The following CDH18 variants were observed in gnomAD, a reference collection of about 807,000 sequenced individuals.
CDH18 encodes cadherin-18.
CDH18 carries 31 observed loss-of-function variants against 67.9 expected under a neutral mutation model. The ratio of observed to expected loss-of-function variants is 0.46; its 90% CI spans 0.34 to 0.62. The LOEUF is 0.62. Ranked by LOEUF, CDH18 falls within the 20% of genes least tolerant of loss-of-function variation. CDH18 has a pLI of 0.01. For missense variants in CDH18, 890 were observed against 975.5 expected (o/e 0.91, Z 1.17); for synonymous variants, 362 against 347.2 (o/e 1.04, Z -0.48).
At position 19,621,525 on chromosome 5, in the gene CDH18, T is replaced by G. The variant is rs147962006; in HGVS notation, c.644-8924A>C. ...GAGATACCTGCACTCCTATGTTCACTGCTGCATGAACCTCAAAGACATTAT... is the reference window on the plus strand; with the variant it reads ...GAGATACCTGCACTCCTATGTTCACGGCTGCATGAACCTCAAAGACATTAT... On this transcript the variant is annotated intron_variant, in intron 5 of 12. Transcript: ENST00000382275. Among the ~76,000 whole-genome samples the G allele has an allele frequency of 1.4e-3, 212 of 152,316 alleles. 1 individual carries two copies. The highest frequency in any genetic ancestry group is 5.0e-3 in the African/African-American group (206 of 41,576).
intron 3 of CDH18, among the ~76,000 whole-genome samples, chr5:19,760,507 A>T (rs1010058740): frequency 3.3e-5 from 5 of 152,112 alleles, no homozygotes; most frequent in African/African-American, 1.2e-4. Flanking sequence ...AGCATTAGAG[A>T]CTTTTACAAT....
intron 2 of CDH18, among the ~76,000 whole-genome samples, chr5:19,854,885 T>C (rs1784094887): frequency 6.8e-6 from 1 of 147,148 alleles, no homozygotes; most frequent in African/African-American, 2.5e-5. Context: ...CTCCCCCCAC[T>C]ATCCTTTCCA....
chr5:20,195,905 A>G (rs933039302), intron 2 of CDH18, among the ~76,000 whole-genome samples: 1 of 148,804 alleles, frequency 6.7e-6, no homozygotes. Context: ...TTAAAAATGT[A>G]TGGGACTCAA....
chr5:19,993,639 TATAGAG>T (rs1800104448), intron 2 of CDH18, among the ~76,000 whole-genome samples: 1 of 152,020 alleles, frequency 6.6e-6, no homozygotes, highest in African/African-American at 2.4e-5. Context: ...TACACATATA[TATAGAG>T]ATAAATAGAT....
At chr5:20,506,353 C>T (rs1581124473) in intron 1 of CDH18, among the ~76,000 whole-genome samples, 1 of 152,322 alleles carries the variant, frequency 6.6e-6, no homozygotes, top group East Asian at 1.9e-4. Context: ...GTCATAGTGC[C>T]TATCTTGCCA....
At chr5:20,099,100 G>A (rs1037664574) in intron 2 of CDH18, among the ~76,000 whole-genome samples, 4 of 152,306 alleles carry the variant, frequency 2.6e-5, no homozygotes, top group Non-Finnish European at 5.9e-5. Context: ...TTGCAAAGAT[G>A]TTGATATTTT....
intron 1 of CDH18, among the ~76,000 whole-genome samples, chr5:20,387,430 C>T (rs1744402656): frequency 6.6e-6 from 1 of 152,170 alleles, no homozygotes; most frequent in South Asian, 2.1e-4. Context: ...TATCCTGAGA[C>T]TTTGTGAAGT....
intron 2 of CDH18, among the ~76,000 whole-genome samples, chr5:20,169,651 T>G (rs1014689642): frequency 1.3e-5 from 2 of 152,176 alleles, no homozygotes; most frequent in Admixed American, 6.6e-5. Context: ...AAACAGTTCA[T>G]GGCCTCATGC....
At chr5:20,434,069 C>A (rs2150180366) in intron 1 of CDH18, among the ~76,000 whole-genome samples, 1 of 152,142 alleles carries the variant, frequency 6.6e-6, no homozygotes, top group African/African-American at 2.4e-5. Flanking sequence ...GGCATATTCC[C>A]AGTACCTAGA....
At chr5:20,415,705 G>A (rs562164019) in intron 1 of CDH18, among the ~76,000 whole-genome samples, 70 of 152,196 alleles carry the variant, frequency 4.6e-4, no homozygotes, top group African/African-American at 1.5e-3. Context: ...CTTGGGAGGC[G>A]GAAGTTGCAG....
intron 2 of CDH18, among the ~76,000 whole-genome samples, chr5:20,095,361 AAAGAC>A (rs1745828768): frequency 6.3e-5 from 9 of 143,984 alleles, no homozygotes; most frequent in African/African-American, 1.0e-4. Context: ...GAAAGAAAGA[AAAGAC>A]AGAAGAAAGA....
At chr5:19,539,906 G>GGCC (rs1749981178) in intron 9 of CDH18, among the ~76,000 whole-genome samples, 1 of 151,990 alleles carries the variant, frequency 6.6e-6, no homozygotes, top group South Asian at 2.1e-4. Flanking sequence ...TTCCACTCCT[G>GGCC]GCCCCTCCCA....
In CDH18 at chr5:19,696,739, C is replaced by T. The variant is rs1233937159; in HGVS notation, c.643+24608G>A. On this transcript the variant is annotated intron_variant, in intron 5 of 12. Coordinates refer to ENST00000382275, the MANE Select transcript of CDH18 (RefSeq NM_004934.5). ...TCCTGTTTTGAATATGATTTATCATCTATGATGAGAGTACGGGAACCACCA... is the reference window on the plus strand; with the variant it reads ...TCCTGTTTTGAATATGATTTATCATTTATGATGAGAGTACGGGAACCACCA... Among the ~76,000 whole-genome samples, 3 of 152,058 alleles carry T rather than the reference C, an allele frequency of 2.0e-5. No individual in the cohort carries two copies. In the East Asian group the frequency reaches 5.8e-4, roughly 30 times the overall value.
At chr5:20,568,936 G>T (rs1291045841) in intron 1 of CDH18, among the ~76,000 whole-genome samples, 1 of 152,184 alleles carries the variant, frequency 6.6e-6, no homozygotes, top group Non-Finnish European at 1.5e-5. Flanking sequence ...CTTCCTTAAA[G>T]AGCTTTCTCT....
At chr5:20,200,333 A>T (rs2126751907) in intron 2 of CDH18, among the ~76,000 whole-genome samples, 1 of 152,222 alleles carries the variant, frequency 6.6e-6, no homozygotes, top group African/African-American at 2.4e-5. Context: ...TGTGAGTTTC[A>T]AAAAAGGGGG....
At chr5:20,206,201 T>C (rs1031441142) in intron 2 of CDH18, among the ~76,000 whole-genome samples, 1 of 151,828 alleles carries the variant, frequency 6.6e-6, no homozygotes, top group Non-Finnish European at 1.5e-5. Context: ...GACACTATTG[T>C]GCACAACTAT....
At chr5:19,658,072 T>C (rs1175750093) in intron 5 of CDH18, among the ~76,000 whole-genome samples, 1 of 152,152 alleles carries the variant, frequency 6.6e-6, no homozygotes, top group East Asian at 1.9e-4. Flanking sequence ...ATGCTGATAT[T>C]ACAAAGATTT....
At chr5:19,477,263 T>C (rs1254931653) in intron 12 of CDH18, among the ~76,000 whole-genome samples, 1 of 151,616 alleles carries the variant, frequency 6.6e-6, no homozygotes, top group African/African-American at 2.4e-5. Context: ...TAGTTAAAGA[T>C]AAATTCAAAT....
intron 1 of CDH18, among the ~76,000 whole-genome samples, chr5:20,312,963 G>A (rs1318125045): frequency 1.3e-5 from 2 of 151,906 alleles, no homozygotes; most frequent in Non-Finnish European, 2.9e-5. Flanking sequence ...AATCTGCAGT[G>A]CTAGAACAAT....
Sources: gnomAD v4.1 joint callset for allele counts (sites outside exome capture counted in the v4.1 genomes callset) on GRCh38, gnomAD v4.1.1 for gene constraint, MANE v1.5 for transcripts, NCBI Gene and HGNC (gene_info 2026-07-23, HGNC 2026-07-21) for gene names.